ITGA11: variants seen among roughly 807,000 people sequenced by gnomAD.
ITGA11 encodes integrin subunit alpha 11, also known as integrin alpha-11.
A neutral mutation model predicts 141.9 loss-of-function variants in ITGA11; 97 were observed. The observed-to-expected ratio is 0.68, with a 90% confidence interval of 0.58 to 0.81. The LOEUF is 0.81. ITGA11 is among the 30% of genes least tolerant of loss of function. The pLI is 0.00. For synonymous variants in ITGA11, 658 were observed against 624.6 expected (o/e 1.05, Z -0.80); for missense variants, 1,387 against 1,559.2 (o/e 0.89, Z 1.86).
intron 22 of ITGA11, 111 bp from the exon 23 acceptor site, chr15:68,313,979 G>A: frequency 1.2e-6 from 1 of 808,792 alleles, no homozygotes. Context: ...TGGGGCTGAT[G>A]GGCACCAGAC....
Position 68,307,385 on chromosome 15 carries a change from C to T in ITGA11, c.3344G>A (p.Ser1115Asn). 1 of 1,558,420 alleles carries T rather than the reference C, an allele frequency of 6.4e-7. No individual in the cohort carries two copies. The highest frequency in any genetic ancestry group is 8.7e-7 in the Non-Finnish European group (1 of 1,150,404). The change falls in exon 28 of 30, where the codon AGC (serine) becomes AAC (asparagine). Residue 1115 changes from serine to asparagine, a missense_variant. Ser to Asn is a conservative substitution (Grantham distance 46). Coordinates refer to ENST00000315757, the MANE Select transcript of ITGA11 (RefSeq NM_001004439.2). This position sits in a 1 kb window ranked among gnomAD's most constrained non-coding sequence, Gnocchi z 6.1. ...ATCCTCCTCACGGAAGATGAAGGGGCTGTGGAACTGCCTCTGCAAGGCTGC... is the reference window on the plus strand; with the variant it reads ...ATCCTCCTCACGGAAGATGAAGGGGTTGTGGAACTGCCTCTGCAAGGCTGC... ...VNAALQRQFH[S>N]PFIFREEDPS...
intron 20 of ITGA11, among the ~76,000 whole-genome samples, chr15:68,317,995 T>C (rs1460279248): frequency 6.6e-6 from 1 of 152,150 alleles, no homozygotes; most frequent in Non-Finnish European, 1.5e-5. Flanking sequence ...GGCTGCTGTG[T>C]TTTTGCATGT....
rs1567118495 is a variant in ITGA11, at chr15:68,302,155, TA to T, written c.*903del. The T allele has an allele frequency of 6.8e-6, 1 of 146,908 alleles. No individual in the cohort carries two copies. The highest frequency in any genetic ancestry group is 1.5e-5 in the Non-Finnish European group (1 of 67,702). The allele number at this position is 146,908 out of a possible 1,614,324, so 9.1% of individuals were successfully genotyped here. A position where few individuals can be genotyped will look rare whatever the true frequency, so the allele number is the denominator to read the frequency against. The stretch of plus-strand genomic sequence containing the variant: ...ACAGGGAGGGGAGGCTCCCTACCCC[TA>T]CCCCTGCTGCCCAGCTGCAGCCAGG... On this transcript the variant is annotated 3_prime_UTR_variant, in exon 30 of 30. Transcript: ENST00000315757.
intron 8 of ITGA11, 40 bp from the exon 9 acceptor site, chr15:68,350,822 A>G (rs1301794486): frequency 6.3e-7 from 1 of 1,585,054 alleles, no homozygotes; most frequent in Non-Finnish European, 8.6e-7. Flanking sequence ...ACCAGAACAT[A>G]GCACAGACTT....
chr15:68,402,744 A>G (rs748585815), intron 2 of ITGA11, among the ~76,000 whole-genome samples, 174 bp downstream of exon 2: 2 of 152,200 alleles, frequency 1.3e-5, no homozygotes, highest in Non-Finnish European at 2.9e-5. Context: ...TCAAGCTTTC[A>G]TAGTCAGGAG....
chr15:68,309,237 G>A (rs1034069787), intron 26 of ITGA11, among the ~76,000 whole-genome samples: 8 of 152,158 alleles, frequency 5.3e-5, no homozygotes, highest in African/African-American at 1.2e-4. Context: ...ACAGTTTTTC[G>A]GAATGCTCAG....
At chr15:68,320,480 G>A in intron 19 of ITGA11, 88 bp from the exon 20 acceptor site, 1 of 1,106,076 alleles carries the variant, frequency 9.0e-7, no homozygotes, top group Non-Finnish European at 1.3e-6. Context: ...CAAAAAGGTG[G>A]GTCTGGGCAC....
Position 68,335,622 on chromosome 15 carries a change from G to A in ITGA11, c.1425+75C>T. 1.3e-6 allele frequency: 2 copies of A among 1,524,270 alleles called. No individual in the cohort carries two copies. Among genetic ancestry groups the A allele is most frequent in the South Asian group, 1.2e-5 (1 of 84,820 alleles). The allele number at this position is 1,524,270 out of a possible 1,614,324, so 94.4% of individuals were successfully genotyped here. On this transcript the variant is annotated intron_variant, in intron 12 of 29. Coordinates refer to ENST00000315757, the MANE Select transcript of ITGA11 (RefSeq NM_001004439.2). This position sits in a 1 kb window ranked among gnomAD's most constrained non-coding sequence, Gnocchi z 4.9. ...GGCACCCAGTGGTCCAGGCATGCCTGTATTTACTGCCCTCCCATTTGTCTG... is the reference window on the plus strand; with the variant it reads ...GGCACCCAGTGGTCCAGGCATGCCTATATTTACTGCCCTCCCATTTGTCTG...
At chr15:68,418,744 T>G (rs1158846944) in intron 1 of ITGA11, among the ~76,000 whole-genome samples, 1 of 151,878 alleles carries the variant, frequency 6.6e-6, no homozygotes, top group Non-Finnish European at 1.5e-5. Flanking sequence ...AGTGAGTCCC[T>G]CCCTTTCCTG....
Position 68,298,847 on chromosome 15 carries a change from AC to A in ITGA11, c.*4211del. 1 of 152,224 alleles carries A rather than the reference AC, an allele frequency of 6.6e-6. No individual in the cohort carries two copies. The highest frequency in any genetic ancestry group is 2.1e-4 in the South Asian group (1 of 4,814). The allele number at this position is 152,224 out of a possible 1,614,324, so 9.4% of individuals were successfully genotyped here. On this transcript the variant is annotated 3_prime_UTR_variant, in exon 30 of 30. Coordinates refer to ENST00000315757, the MANE Select transcript of ITGA11 (RefSeq NM_001004439.2). ...CAGGGAGATAATCCAGGAGTTTGAG[AC>A]CAGCCTGGGCAACATGGCGAGACCC...
At chr15:68,375,810 C>T (rs975608348) in intron 2 of ITGA11, among the ~76,000 whole-genome samples, 3 of 152,068 alleles carry the variant, frequency 2.0e-5, no homozygotes, top group Admixed American at 1.3e-4. Context: ...GATATATGGC[C>T]AAACGTCATT....
At chr15:68,345,184 T>C (rs1055061604) in intron 10 of ITGA11, among the ~76,000 whole-genome samples, 11 of 152,168 alleles carry the variant, frequency 7.2e-5, no homozygotes, top group Non-Finnish European at 1.5e-4. Flanking sequence ...CCACTCTGGC[T>C]CTTAGTGACC....
chr15:68,301,143 G>A lies in ITGA11; in HGVS notation c.*1916C>T, dbSNP rs1893015286. On this transcript the variant is annotated 3_prime_UTR_variant, in exon 30 of 30. Coordinates refer to ENST00000315757, the MANE Select transcript of ITGA11 (RefSeq NM_001004439.2). The surrounding 1 kb of genome is among the most constrained non-coding windows in gnomAD (Gnocchi z 4.4). ...TCCACATCAAGCCCTTCTAAGGCTG[G>A]GCTCGAATAACAGAATCTGGCTTGG... 6.6e-6 allele frequency: 1 copy of A among 152,174 alleles called. No homozygotes were observed. The allele number at this position is 152,174 out of a possible 1,614,324, so 9.4% of individuals were successfully genotyped here.
chr15:68,419,674 T>C (rs1186563767), intron 1 of ITGA11, among the ~76,000 whole-genome samples: 1 of 152,238 alleles, frequency 6.6e-6, no homozygotes, highest in Non-Finnish European at 1.5e-5. Context: ...CCTAAAGGGC[T>C]TTTAGAAACA....
Position 68,304,582 on chromosome 15 carries a change from G to A in ITGA11, c.3382-697C>T, listed in dbSNP as rs1484623852. On this transcript the variant is annotated intron_variant, in intron 28 of 29. Coordinates refer to ENST00000315757, the MANE Select transcript of ITGA11 (RefSeq NM_001004439.2). This position sits in a 1 kb window ranked among gnomAD's most constrained non-coding sequence, Gnocchi z 6.1. The stretch of plus-strand genomic sequence containing the variant: ...GTCCTGTGGCTATCACCGTCTACAC[G>A]CCGACTGCTCTCACATTTCTGTCGT... Among the ~76,000 whole-genome samples, 2 of 152,114 alleles carry A rather than the reference G, an allele frequency of 1.3e-5. No individual in the cohort carries two copies. Among genetic ancestry groups the A allele is most frequent in the African/African-American group, 4.8e-5 (2 of 41,408 alleles).
chr15:68,398,367 A>G (rs1251929952), intron 2 of ITGA11, among the ~76,000 whole-genome samples: 1 of 151,662 alleles, frequency 6.6e-6, no homozygotes, highest in African/African-American at 2.4e-5. Flanking sequence ...CTCTGATAAA[A>G]CAGACTTTAA....
In ITGA11 at chr15:68,303,855, A is replaced by G; in HGVS notation, c.3412T>C (p.Trp1138Arg). ...IVFEISKQED[W>R]QVPIWIIVGS... ...ACAATGATCCAGATGGGGACCTGCC[A>G]GTCCTCTTGCTTGGAGATCTCAAAC... The change falls in exon 29 of 30, where the codon TGG (tryptophan) becomes CGG (arginine). Residue 1138 changes from tryptophan to arginine, a missense_variant. Trp to Arg is a moderately radical substitution (Grantham distance 101). Transcript: ENST00000315757. This position sits in a 1 kb window ranked among gnomAD's most constrained non-coding sequence, Gnocchi z 5.3. The G allele has an allele frequency of 6.2e-7, 1 of 1,612,906 alleles. No individual in the cohort carries two copies. Among genetic ancestry groups the G allele is most frequent in the Non-Finnish European group, 8.5e-7 (1 of 1,179,266 alleles).
At chr15:68,413,984 A>G (rs910531658) in intron 1 of ITGA11, among the ~76,000 whole-genome samples, 1 of 152,166 alleles carries the variant, frequency 6.6e-6, no homozygotes, top group African/African-American at 2.4e-5. Flanking sequence ...TGTACCATGG[A>G]GACTTGGCTG....
At chr15:68,312,273 G>T (rs1157235983) in intron 24 of ITGA11, among the ~76,000 whole-genome samples, 2 of 152,190 alleles carry the variant, frequency 1.3e-5, no homozygotes, top group Admixed American at 1.3e-4. Flanking sequence ...GTAAGGAACT[G>T]CCAGGGAGGT....
Sources: allele counts gnomAD v4.1 joint callset (sites outside exome capture counted in the v4.1 genomes callset), GRCh38; gene constraint gnomAD v4.1.1; non-coding constraint Gnocchi (gnomAD v3.1); transcripts MANE v1.5; gene names NCBI Gene and HGNC (gene_info 2026-07-23, HGNC 2026-07-21).